Variants in PAX7 observed in about 807,000 individuals in gnomAD.
PAX7 encodes the protein paired box 7.
Under a neutral mutation model 50.7 loss-of-function variants are expected in PAX7, and 18 were observed. That is an observed-to-expected ratio of 0.36 (90% confidence interval 0.25 to 0.53). The LOEUF is 0.53. Ranked by LOEUF, PAX7 falls within the 20% of genes least tolerant of loss-of-function variation. The pLI is 0.93. For missense variants in PAX7, 644 were observed against 702.9 expected (o/e 0.92, Z 0.95); for synonymous variants, 310 against 290.4 (o/e 1.07, Z -0.69).
intron 4 of PAX7, among the ~76,000 whole-genome samples, chr1:18,638,350 A>G (rs2088195754): frequency 6.6e-6 from 1 of 152,206 alleles, no homozygotes; most frequent in African/African-American, 2.4e-5. Flanking sequence ...TCACCACACC[A>G]GCTAACAAGC....
Position 18,734,541 on chromosome 1 carries a change from C to A in PAX7, c.1156-1091C>A, listed in dbSNP as rs566841390. 3.3e-5 allele frequency among the ~76,000 whole-genome samples: 5 copies of A among 152,282 alleles called. No homozygotes were observed. The East Asian group carries it at 5.8e-4, about 18-fold the overall frequency. On this transcript the variant is annotated intron_variant, in intron 7 of 8. Transcript: ENST00000420770. The stretch of plus-strand genomic sequence containing the variant: ...TCCTGCTGCACCACTCCCAGTCCCA[C>A]CCCAGGAAAGCACTGCTTCTCCCCG...
chr1:18,709,505 C>T (rs893716914), intron 7 of PAX7, among the ~76,000 whole-genome samples: 4 of 152,220 alleles, frequency 2.6e-5, no homozygotes, highest in African/African-American at 2.4e-5. Flanking sequence ...CCCTTCTCTC[C>T]GGTCCAGCCT....
In PAX7 at chr1:18,746,314, G is replaced by A. The variant is rs12722940; in HGVS notation, c.*1385G>A. On this transcript the variant is annotated 3_prime_UTR_variant, in exon 9 of 9. Coordinates refer to ENST00000420770, the MANE Select transcript of PAX7 (RefSeq NM_001135254.2). ...TTTCAAGCTACCAGCCCTGGGCAGAGGAAGATGTCAACAATTCCAGAGCAG... is the reference window on the plus strand; with the variant it reads ...TTTCAAGCTACCAGCCCTGGGCAGAAGAAGATGTCAACAATTCCAGAGCAG... 10,595 of 230,110 alleles carry A rather than the reference G, an allele frequency of 0.046. 378 individuals are homozygous for A. Among genetic ancestry groups the A allele is most frequent in the Non-Finnish European group, 0.062 (7,211 of 116,082 alleles). The allele number at this position is 230,110 out of a possible 1,614,324, so 14.3% of individuals were successfully genotyped here. A position where few individuals can be genotyped will look rare whatever the true frequency, so the allele number is the denominator to read the frequency against.
At chr1:18,730,086 A>AG (rs1255861297) in intron 7 of PAX7, among the ~76,000 whole-genome samples, 1 of 152,026 alleles carries the variant, frequency 6.6e-6, no homozygotes, top group Non-Finnish European at 1.5e-5. Flanking sequence ...AAGGAAGGGG[A>AG]GGGGGACAGC....
chr1:18,733,842 A>G (rs532496725), intron 7 of PAX7, among the ~76,000 whole-genome samples: 3 of 152,294 alleles, frequency 2.0e-5, no homozygotes, highest in African/African-American at 7.2e-5. Context: ...GGGTCAGGCG[A>G]ACTGAGCCCT....
At chr1:18,711,406 C>T (rs2089349930) in intron 7 of PAX7, among the ~76,000 whole-genome samples, 1 of 152,216 alleles carries the variant, frequency 6.6e-6, no homozygotes, top group East Asian at 1.9e-4. Flanking sequence ...CTCTGCCTCA[C>T]TGCCATCCCT....
intron 4 of PAX7, among the ~76,000 whole-genome samples, chr1:18,669,590 G>A (rs1216337975): frequency 6.6e-6 from 1 of 152,128 alleles, no homozygotes; most frequent in East Asian, 1.9e-4. Flanking sequence ...AGCTTGAACC[G>A]ACTCTTTTGA....
chr1:18,687,038 A>G lies in PAX7; in HGVS notation c.587-4716A>G, dbSNP rs11578511. 8.5e-3 allele frequency among the ~76,000 whole-genome samples: 1,286 copies of G among 151,806 alleles called. 16 individuals carry two copies. Among genetic ancestry groups the G allele is most frequent in the South Asian group, 0.029 (140 of 4,794 alleles). On this transcript the variant is annotated intron_variant, in intron 4 of 8. Transcript: ENST00000420770. ...CTCAAGTAGCTGGGATTACAGGCGC[A>G]TACCACCATGCCCAGCTAATTTTTG...
rs1557554169 is a variant in PAX7 at position 18,726,011 on chromosome 1, CGCGTGTGTGT to C, written c.1156-9612_1156-9603del. On this transcript the variant is annotated intron_variant, in intron 7 of 8. Transcript: ENST00000420770. This position sits in a 1 kb window ranked among gnomAD's most constrained non-coding sequence, Gnocchi z 4.8. ...GTGTGTGTGCGCGCGCGCGCGTGCG[CGCGTGTGTGT>C]GCGTGTGTTTGTGTGTGTGTGTGTC... Among the ~76,000 whole-genome samples, 7 of 146,126 alleles carry C rather than the reference CGCGTGTGTGT, an allele frequency of 4.8e-5. No homozygotes were observed. The highest frequency in any genetic ancestry group is 2.1e-4 in the South Asian group (1 of 4,662).
At chr1:18,713,697 G>T (rs1351369214) in intron 7 of PAX7, among the ~76,000 whole-genome samples, 1 of 152,176 alleles carries the variant, frequency 6.6e-6, no homozygotes, top group East Asian at 1.9e-4. Flanking sequence ...TAGTCAGACA[G>T]GAAGACCAGA....
At chr1:18,670,823 G>A (rs1557520489) in intron 4 of PAX7, among the ~76,000 whole-genome samples, 1 of 152,184 alleles carries the variant, frequency 6.6e-6, no homozygotes, top group African/African-American at 2.4e-5. Context: ...ACCGTTACAT[G>A]TAGAGGGCAA....
intron 4 of PAX7, among the ~76,000 whole-genome samples, chr1:18,686,093 G>A (rs1570169969): frequency 6.6e-6 from 1 of 152,180 alleles, no homozygotes; most frequent in African/African-American, 2.4e-5. Context: ...GATGTTTTAC[G>A]TCTGTCCTGT....
chr1:18,688,327 C>G (rs2089006500), intron 4 of PAX7, among the ~76,000 whole-genome samples: 1 of 152,184 alleles, frequency 6.6e-6, no homozygotes, highest in Non-Finnish European at 1.5e-5. Context: ...GGGGCCTGCC[C>G]TCTCTTTGTT....
chr1:18,731,618 T>C lies in PAX7; in HGVS notation c.1156-4014T>C, dbSNP rs2236803. Among the ~76,000 whole-genome samples the C allele has an allele frequency of 9.0e-3, 1,370 of 152,204 alleles. 73 individuals carry two copies. The East Asian group carries it at 0.15, about 17-fold the overall frequency. On this transcript the variant is annotated intron_variant, in intron 7 of 8. Coordinates refer to ENST00000420770, the MANE Select transcript of PAX7 (RefSeq NM_001135254.2). ...GTTCTCCCCTCCCGCCGCTCTCCAG[T>C]TGGGTCCTGTCCCATTAGCTTAGAC...
intron 4 of PAX7, among the ~76,000 whole-genome samples, chr1:18,678,077 G>A (rs1402714477): frequency 8.0e-5 from 6 of 75,430 alleles, no homozygotes; most frequent in Non-Finnish European, 1.1e-4. Flanking sequence ...GCGAGACTCC[G>A]TCTGAAAAAA....
intron 4 of PAX7, among the ~76,000 whole-genome samples, chr1:18,639,890 G>C (rs934230713): frequency 8.6e-5 from 13 of 151,956 alleles, no homozygotes; most frequent in African/African-American, 2.7e-4. Context: ...AGGATGGAAA[G>C]GCCAATGAGG....
intron 8 of PAX7, among the ~76,000 whole-genome samples, chr1:18,741,254 GC>G (rs1225459779): frequency 6.6e-6 from 1 of 152,138 alleles, no homozygotes; most frequent in Non-Finnish European, 1.5e-5. Context: ...TTTGAGACCA[GC>G]CTGGCCAACA....
At chr1:18,721,473 C>T (rs766313108) in intron 7 of PAX7, among the ~76,000 whole-genome samples, 1 of 152,222 alleles carries the variant, frequency 6.6e-6, no homozygotes, top group Non-Finnish European at 1.5e-5. Flanking sequence ...GAGAGCAGAC[C>T]CCTCCTCAAA....
At chr1:18,666,396 G>T (rs2088670149) in intron 4 of PAX7, among the ~76,000 whole-genome samples, 2 of 152,186 alleles carry the variant, frequency 1.3e-5, no homozygotes, top group Admixed American at 6.5e-5. Context: ...GGACCTCATA[G>T]GCTCTCCAAA....
Sources: gnomAD v4.1 joint callset for allele counts (sites outside exome capture counted in the v4.1 genomes callset) on GRCh38, gnomAD v4.1.1 for gene constraint, Gnocchi (gnomAD v3.1) non-coding constraint, MANE v1.5 for transcripts, NCBI Gene and HGNC (gene_info 2026-07-23, HGNC 2026-07-21) for gene names.